Variants in MARK2 observed in about 807,000 individuals in gnomAD.
The protein encoded by MARK2 is serine/threonine-protein kinase MARK2.
MARK2 carries 16 observed loss-of-function variants against 89.8 expected under a neutral mutation model. That is an observed-to-expected ratio of 0.18 (90% CI 0.12 to 0.27). The LOEUF is 0.27. MARK2 is among the 10% of genes least tolerant of loss of function. MARK2 has a pLI of 1.00. For missense variants in MARK2, 621 were observed against 1,049.9 expected (o/e 0.59, Z 5.65); for synonymous variants, 382 against 399.5 (o/e 0.96, Z 0.52).
chr11:63,864,969 G>A (rs12576275), intron 1 of MARK2, among the ~76,000 whole-genome samples: 3 of 151,868 alleles, frequency 2.0e-5, no homozygotes, highest in African/African-American at 4.8e-5. Flanking sequence ...ACGCAGTCTC[G>A]GCCTTGACCT....
chr11:63,860,291 C>T (rs1477658755), intron 1 of MARK2, among the ~76,000 whole-genome samples: 1 of 152,126 alleles, frequency 6.6e-6, no homozygotes, highest in Non-Finnish European at 1.5e-5. Flanking sequence ...CAGTGGCTCA[C>T]TCCTGTAATC....
At chr11:63,882,358 C>T (rs1331056559) in intron 1 of MARK2, among the ~76,000 whole-genome samples, 15 of 152,066 alleles carry the variant, frequency 9.9e-5, no homozygotes, top group African/African-American at 3.4e-4. Context: ...CCGAGCTGGG[C>T]GGATCACCTG....
chr11:63,843,610 AAT>A (rs563767751), intron 1 of MARK2, among the ~76,000 whole-genome samples: 1 of 151,342 alleles, frequency 6.6e-6, no homozygotes, highest in African/African-American at 2.4e-5. Flanking sequence ...TCTGGATAAA[AAT>A]ATATATATAT....
At chr11:63,885,830 T>A (rs1357712476) in intron 1 of MARK2, among the ~76,000 whole-genome samples, 3 of 141,576 alleles carry the variant, frequency 2.1e-5, no homozygotes, top group Non-Finnish European at 4.6e-5. Context: ...CAAGACTCCA[T>A]CTCAAAAAAA....
intron 1 of MARK2, among the ~76,000 whole-genome samples, chr11:63,885,059 C>T (rs1176890984): frequency 2.6e-5 from 4 of 152,148 alleles, no homozygotes; most frequent in Admixed American, 6.6e-5. Flanking sequence ...AAAAATTAGC[C>T]GGGCTTGGTG....
chr11:63,898,567 C>T (rs759202568), intron 4 of MARK2, 41 bp from the exon 5 acceptor site: 2 of 1,490,432 alleles, frequency 1.3e-6, no homozygotes, highest in East Asian at 4.5e-5. Flanking sequence ...TATGTGGCCC[C>T]TGTTGCTTCT....
chr11:63,859,360 C>T (rs575625327), intron 1 of MARK2, among the ~76,000 whole-genome samples: 7 of 151,414 alleles, frequency 4.6e-5, no homozygotes, highest in African/African-American at 1.2e-4. Flanking sequence ...TGCTCTGTCA[C>T]GCAGGCTGGA....
At chr11:63,842,015 A>C (rs2016044683) in intron 1 of MARK2, among the ~76,000 whole-genome samples, 1 of 152,122 alleles carries the variant, frequency 6.6e-6, no homozygotes, top group Non-Finnish European at 1.5e-5. Context: ...AGCTGCATAC[A>C]TTGTCATCCT....
intron 3 of MARK2, among the ~76,000 whole-genome samples, chr11:63,897,812 C>T (rs1940540102): frequency 6.6e-6 from 1 of 152,200 alleles, no homozygotes; most frequent in African/African-American, 2.4e-5. Flanking sequence ...ATGATGGGGT[C>T]CCCCTCTGGT....
At chr11:63,886,071 G>A (rs1431652976) in intron 1 of MARK2, among the ~76,000 whole-genome samples, 1 of 151,810 alleles carries the variant, frequency 6.6e-6, no homozygotes, top group Non-Finnish European at 1.5e-5. Context: ...AGAGGTTGCG[G>A]TGAGCCGAGA....
At chr11:63,866,948 C>G (rs1938169553) in intron 1 of MARK2, among the ~76,000 whole-genome samples, 1 of 152,182 alleles carries the variant, frequency 6.6e-6, no homozygotes, top group Non-Finnish European at 1.5e-5. Flanking sequence ...CAGGCACTGT[C>G]AGGAATTAGT....
At chr11:63,848,876 T>G (rs1034999996) in intron 1 of MARK2, among the ~76,000 whole-genome samples, 1 of 151,422 alleles carries the variant, frequency 6.6e-6, no homozygotes, top group African/African-American at 2.4e-5. Flanking sequence ...ACCTGGCTAA[T>G]TTTTGTATTT....
At chr11:63,844,286 C>G (rs1038654797) in intron 1 of MARK2, among the ~76,000 whole-genome samples, 3 of 152,138 alleles carry the variant, frequency 2.0e-5, no homozygotes, top group African/African-American at 7.2e-5. Flanking sequence ...TCAAGACCAG[C>G]CTGATCAATA....
intron 1 of MARK2, among the ~76,000 whole-genome samples, chr11:63,876,561 G>C (rs1264504821): frequency 6.6e-6 from 1 of 152,230 alleles, no homozygotes; most frequent in Non-Finnish European, 1.5e-5. Flanking sequence ...ATGGGTAGCC[G>C]TGGCCTCTGG....
chr11:63,866,050 T>G (rs1171601552), intron 1 of MARK2, among the ~76,000 whole-genome samples: 1 of 152,154 alleles, frequency 6.6e-6, no homozygotes, highest in East Asian at 1.9e-4. Context: ...CATTCCCTCT[T>G]TCTCTCTTGT....
At chr11:63,878,471 G>A (rs1399252793) in intron 1 of MARK2, among the ~76,000 whole-genome samples, 3 of 143,608 alleles carry the variant, frequency 2.1e-5, no homozygotes, top group Non-Finnish European at 4.5e-5. Context: ...CTGGGTTCAC[G>A]CCATTCTCCT....
At chr11:63,861,224 A>G (rs943688722) in intron 1 of MARK2, among the ~76,000 whole-genome samples, 2 of 152,160 alleles carry the variant, frequency 1.3e-5, no homozygotes, top group African/African-American at 4.8e-5. Flanking sequence ...TCACGAGGTC[A>G]GGAGTTCAAG....
In MARK2 at chr11:63,903,408, C is replaced by T. The variant is rs190129595; in HGVS notation, c.1514+250C>T. ...ACCGTGGCCATCTCAGCTACATGCT[C>T]GCTTCTTGACCACGGCCAGGGCATG... On this transcript the variant is annotated intron_variant, in intron 14 of 18. Transcript: ENST00000402010. This position sits in a 1 kb window ranked among gnomAD's most constrained non-coding sequence, Gnocchi z 5.1. The T allele has an allele frequency of 3.7e-4, 189 of 510,710 alleles. No individual in the cohort carries two copies. The highest frequency in any genetic ancestry group is 5.7e-4 in the Non-Finnish European group (160 of 279,520). 31.6% of individuals were successfully genotyped at this position (510,710 alleles called of 1,614,324 possible). A position where few individuals can be genotyped will look rare whatever the true frequency, so the allele number is the denominator to read the frequency against.
chr11:63,907,378 C>T (rs1036715802), intron 17 of MARK2, among the ~76,000 whole-genome samples: 21 of 152,208 alleles, frequency 1.4e-4, no homozygotes, highest in South Asian at 2.1e-4. Context: ...GCTCGCAGTG[C>T]GCTTGTGTGC....
Sources: allele counts gnomAD v4.1 joint callset (sites outside exome capture counted in the v4.1 genomes callset), GRCh38; gene constraint gnomAD v4.1.1; non-coding constraint Gnocchi (gnomAD v3.1); transcripts MANE v1.5; gene names NCBI Gene and HGNC (gene_info 2026-07-23, HGNC 2026-07-21).